TMEM132D: variants seen among roughly 807,000 people sequenced by gnomAD.
TMEM132D encodes the protein transmembrane protein 132D.
A neutral mutation model predicts 62.3 loss-of-function variants in TMEM132D; 21 were observed. The observed-to-expected ratio is 0.34, with a 90% CI of 0.24 to 0.49. TMEM132D has a LOEUF of 0.49. Among genes scored for constraint, TMEM132D ranks in the 20% least tolerant of loss-of-function variants. The pLI, the probability that TMEM132D is intolerant of heterozygous loss-of-function variation, is 0.99. For missense variants in TMEM132D, 1,346 were observed against 1,402.8 expected (o/e 0.96, Z 0.65); for synonymous variants, 621 against 575.6 (o/e 1.08, Z -1.13).
chr12:129,552,389 TTATCTAC>T (rs1876924194), intron 2 of TMEM132D, among the ~76,000 whole-genome samples: 1 of 152,178 alleles, frequency 6.6e-6, no homozygotes, highest in East Asian at 1.9e-4. Context: ...CCATTATCTA[TTATCTAC>T]CTATACATCT....
chr12:129,490,748 C>T (rs1276077863), intron 3 of TMEM132D, among the ~76,000 whole-genome samples: 2 of 151,450 alleles, frequency 1.3e-5, no homozygotes, highest in African/African-American at 2.4e-5. Flanking sequence ...CCACGGCGCC[C>T]GGCCCATAAT....
chr12:129,690,630 T>C lies in TMEM132D; in HGVS notation c.968+9180A>G, dbSNP rs75807475. On this transcript the variant is annotated intron_variant, in intron 2 of 8. Coordinates refer to ENST00000422113, the MANE Select transcript of TMEM132D (RefSeq NM_133448.3). ...CATTACATAATGACAAATGGGCTAA[T>C]TATCCAAGAAGTTACAACAATCCTA... 3.2e-3 allele frequency among the ~76,000 whole-genome samples: 489 copies of C among 152,320 alleles called. 5 individuals are homozygous for C. Among genetic ancestry groups the C allele is most frequent in the African/African-American group, 0.011 (458 of 41,588 alleles).
intron 5 of TMEM132D, among the ~76,000 whole-genome samples, chr12:129,137,369 C>T (rs932760042): frequency 1.3e-5 from 2 of 152,136 alleles, no homozygotes; most frequent in Non-Finnish European, 2.9e-5. Flanking sequence ...AATAAATGCC[C>T]TGAAAATCTT....
At chr12:129,345,264 C>T (rs1250140463) in intron 3 of TMEM132D, among the ~76,000 whole-genome samples, 1 of 152,130 alleles carries the variant, frequency 6.6e-6, no homozygotes, top group Non-Finnish European at 1.5e-5. Context: ...GCAGGGATCC[C>T]CTCATTAATG....
intron 2 of TMEM132D, among the ~76,000 whole-genome samples, chr12:129,667,969 T>TTTC (rs386378239): frequency 4.2e-4 from 4 of 9,552 alleles, no homozygotes; most frequent in Non-Finnish European, 1.2e-3. Context: ...CCCTAAAATG[T>TTTC]TGTTATCCAC....
chr12:129,159,781 A>G (rs1419772966), intron 5 of TMEM132D, among the ~76,000 whole-genome samples: 2 of 150,630 alleles, frequency 1.3e-5, no homozygotes, highest in African/African-American at 4.9e-5. Context: ...AAAAAAAGAA[A>G]GAAAATTGAT....
chr12:129,218,966 C>T (rs1181908052), intron 4 of TMEM132D, among the ~76,000 whole-genome samples: 2 of 152,172 alleles, frequency 1.3e-5, no homozygotes, highest in Admixed American at 6.5e-5. Context: ...TGACTAAAGG[C>T]TAGAAGCCTG....
At chr12:129,491,625 G>T (rs544703319) in intron 3 of TMEM132D, among the ~76,000 whole-genome samples, 1 of 152,298 alleles carries the variant, frequency 6.6e-6, no homozygotes, top group South Asian at 2.1e-4. Context: ...CCATCATCTT[G>T]CAGGAGCCTG....
intron 5 of TMEM132D, among the ~76,000 whole-genome samples, chr12:129,135,275 C>T (rs763777813): frequency 7.2e-5 from 11 of 152,098 alleles, no homozygotes; most frequent in East Asian, 1.9e-4. Flanking sequence ...TTCTGTTTCT[C>T]GAAGTCAAGA....
chr12:129,728,009 C>G (rs940243876), intron 1 of TMEM132D, among the ~76,000 whole-genome samples: 2 of 152,272 alleles, frequency 1.3e-5, no homozygotes, highest in African/African-American at 2.4e-5. Flanking sequence ...CTTTTCTCTA[C>G]CAGGTCCATT....
chr12:129,187,217 G>A (rs998325729), intron 5 of TMEM132D, among the ~76,000 whole-genome samples: 4 of 148,538 alleles, frequency 2.7e-5, no homozygotes, highest in Non-Finnish European at 6.0e-5. Context: ...GGATCCCTGA[G>A]TCACCAGGTG....
intron 4 of TMEM132D, among the ~76,000 whole-genome samples, chr12:129,301,455 A>C (rs1881712066): frequency 6.6e-6 from 1 of 152,056 alleles, no homozygotes; most frequent in South Asian, 2.1e-4. Context: ...AAAAAAAAAG[A>C]GGCTCACCTA....
intron 1 of TMEM132D, among the ~76,000 whole-genome samples, chr12:129,869,574 T>C (rs1284996724): frequency 2.6e-5 from 4 of 152,230 alleles, no homozygotes; most frequent in East Asian, 1.9e-4. Context: ...GGGTTTTTCC[T>C]GAATATTTTC....
Position 129,502,140 on chromosome 12 carries a change from C to T in TMEM132D, c.1115+28919G>A, listed in dbSNP as rs529038094. Among the ~76,000 whole-genome samples, 182 of 152,266 alleles carry T rather than the reference C, an allele frequency of 1.2e-3. 2 individuals are homozygous for T. The highest frequency in any genetic ancestry group is 4.2e-3 in the African/African-American group (173 of 41,546). The stretch of plus-strand genomic sequence containing the variant: ...TCAGCCTCCCGAGTAGCTGGGATTA[C>T]AGGCGTCCGTCACCACGCCCGGCTA... On this transcript the variant is annotated intron_variant, in intron 3 of 8. Transcript: ENST00000422113.
chr12:129,209,399 G>A (rs1009425338), intron 5 of TMEM132D, 121 bp downstream of exon 5: 3 of 1,225,572 alleles, frequency 2.4e-6, no homozygotes, highest in South Asian at 1.5e-5. Context: ...ACCAGAATGG[G>A]ATGGGAGGGA....
At chr12:129,418,196 C>T (rs1429553387) in intron 3 of TMEM132D, among the ~76,000 whole-genome samples, 1 of 152,182 alleles carries the variant, frequency 6.6e-6, no homozygotes. Context: ...TTTGACTTGG[C>T]AATCCCATTA....
chr12:129,089,393 GTGTCCTCCCTGACCGGGA>G (rs1874815314), intron 5 of TMEM132D, among the ~76,000 whole-genome samples: 4 of 62,914 alleles, frequency 6.4e-5, no homozygotes, highest in African/African-American at 2.0e-4. Context: ...CCATGACCGG[GTGTCCTCCCTGACCGGGA>G]TGTCCTCCAT....
chr12:129,521,264 A>G (rs1042215415), intron 3 of TMEM132D: 1 of 152,216 alleles, frequency 6.6e-6, no homozygotes, highest in African/African-American at 2.4e-5. Flanking sequence ...AACTGGATCT[A>G]CCTTTAAGAC....
At chr12:129,088,139 G>A (rs867865935) in intron 5 of TMEM132D, among the ~76,000 whole-genome samples, 3 of 39,650 alleles carry the variant, frequency 7.6e-5, no homozygotes, top group Middle Eastern at 0.019. Flanking sequence ...CATGACCGGG[G>A]TGTCCTCCCT....
Sources: gnomAD v4.1 joint callset for allele counts (sites outside exome capture counted in the v4.1 genomes callset) on GRCh38, gnomAD v4.1.1 for gene constraint, MANE v1.5 for transcripts, NCBI Gene and HGNC (gene_info 2026-07-23, HGNC 2026-07-21) for gene names.